Variants in PATE1 observed in about 807,000 individuals in gnomAD.
The protein encoded by PATE1 is prostate and testis expressed 1.
A neutral mutation model predicts 13.1 loss-of-function variants in PATE1; 21 were observed. That is an observed-to-expected ratio of 1.61 (90% CI 1.14 to 2.31). The LOEUF (loss-of-function observed/expected upper bound fraction) is 2.31. PATE1 is among the 30% of genes most tolerant of loss of function. The pLI, the probability that PATE1 is intolerant of heterozygous loss-of-function variation, is 0.00. For synonymous variants in PATE1, 52 were observed against 47.1 expected, an observed-to-expected ratio of 1.10 and a Z score of -0.43; for missense variants, 166 against 147.2, an observed-to-expected ratio of 1.13 and a Z score of -0.66.
chr11:125,746,340 G>A lies in PATE1; in HGVS notation c.36G>A (p.Leu12=). The A allele has an allele frequency of 1.9e-6, 3 of 1,613,870 alleles. No homozygotes were observed. Among genetic ancestry groups the A allele is most frequent in the Non-Finnish European group, 2.5e-6 (3 of 1,179,864 alleles). Residue 12 remains leucine (L), a synonymous_variant, in exon 1 of 5, where the codon CTG becomes CTA. Transcript: ENST00000305738. ...CCCTCTTGCTGGAACTCCCCATCCT[G>A]CTCTGCTGCTTTAGGGGTGAGTCCC... ...DKSLLLELPI[L]LCCFRALSGS...
At position 125,748,795 on chromosome 11, in the gene PATE1, A is replaced by C. The variant is rs1943303601; in HGVS notation, c.*62A>C. The C allele has an allele frequency of 6.4e-7, 1 of 1,569,920 alleles. No homozygotes were observed. The highest frequency in any genetic ancestry group is 1.4e-5 in the African/African-American group (1 of 69,594). On this transcript the variant is annotated 3_prime_UTR_variant, in exon 5 of 5. Transcript: ENST00000305738. ...GAGGTTGTTGCCTCAGCCTCTTCAC[A>C]ATGACTTTCTAAAAAAAATCACACA... is the stretch of plus-strand genomic sequence containing the variant.
At position 125,749,161 on chromosome 11, in the gene PATE1, A is replaced by G. The variant is rs1047974643; in HGVS notation, c.*428A>G. The G allele has an allele frequency of 6.5e-6, 1 of 152,718 alleles. No individual in the cohort carries two copies. The highest frequency in any genetic ancestry group is 2.4e-5 in the African/African-American group (1 of 41,314). 9.5% of individuals were successfully genotyped at this position (152,718 alleles called of 1,614,324 possible). On this transcript the variant is annotated 3_prime_UTR_variant, in exon 5 of 5. Coordinates refer to ENST00000305738, the MANE Select transcript of PATE1 (RefSeq NM_138294.3). ...CTTTCTGTGTTATCCTTCTTATCCCACTCCAAAGAAAGCACATAACTGTGG... is the reference window on the plus strand; with the variant it reads ...CTTTCTGTGTTATCCTTCTTATCCCGCTCCAAAGAAAGCACATAACTGTGG...
chr11:125,746,779 C>A (rs1373462321), intron 2 of PATE1, 83 bp downstream of exon 2: 20 of 1,363,332 alleles, frequency 1.5e-5, no homozygotes, highest in Admixed American at 1.3e-4. Flanking sequence ...CACCAGGGGC[C>A]AAAAAAAACC....
chr11:125,748,908 T>C lies in PATE1; in HGVS notation c.*175T>C. 1 of 674,526 alleles carries C rather than the reference T, an allele frequency of 1.5e-6. No individual in the cohort carries two copies. Among genetic ancestry groups the C allele is most frequent in the South Asian group, 2.6e-5 (1 of 38,412 alleles). 41.8% of individuals were successfully genotyped at this position (674,526 alleles called of 1,614,324 possible). On this transcript the variant is annotated 3_prime_UTR_variant, in exon 5 of 5. Transcript: ENST00000305738. ...GGAAAGTCCCTCTCCTTTTCTACAG[T>C]CTCTGTCACGCCCCTTAAAATAAGT...
Position 125,747,685 on chromosome 11 carries a change from C to T in PATE1, c.125-15C>T. ...CCATCTTTTCTCACTTCTCTTTCCCCTCTCTCTGGCCAAGTGATAGAAATT... is the reference window on the plus strand; with the variant it reads ...CCATCTTTTCTCACTTCTCTTTCCCTTCTCTCTGGCCAAGTGATAGAAATT... On this transcript the variant is annotated splice_polypyrimidine_tract_variant and intron_variant, in intron 3 of 4. Coordinates refer to ENST00000305738, the MANE Select transcript of PATE1 (RefSeq NM_138294.3). 1 of 1,612,410 alleles carries T rather than the reference C, an allele frequency of 6.2e-7. No homozygotes were observed. Among genetic ancestry groups the T allele is most frequent in the East Asian group, 2.2e-5 (1 of 44,872 alleles).
In PATE1 at chr11:125,746,546, T is replaced by A; in HGVS notation, c.53-115T>A. The stretch of plus-strand genomic sequence containing the variant: ...TTAACTAAAGCTCTTCTCCCTTCCT[T>A]TATGGGGGGAAATAGGTAGATTAGA... On this transcript the variant is annotated intron_variant, in intron 1 of 4. Transcript: ENST00000305738. The A allele has an allele frequency of 5.0e-6, 7 of 1,402,830 alleles. No homozygotes were observed. The South Asian group carries it at 7.1e-5, about 14-fold the overall frequency. The allele number at this position is 1,402,830 out of a possible 1,614,324, so 86.9% of individuals were successfully genotyped here. A position where few individuals can be genotyped will look rare whatever the true frequency, so the allele number is the denominator to read the frequency against.
Position 125,746,697 on chromosome 11 carries a change from G to C in PATE1, c.88+1G>C, listed in dbSNP as rs186985607. On this transcript the variant is annotated splice_donor_variant, in intron 2 of 4. Coordinates refer to ENST00000305738, the MANE Select transcript of PATE1 (RefSeq NM_138294.3). LOFTEE classifies it high-confidence loss of function. ...TCACTTTCAATGAGAAATGATGCAG[G>C]TGAGTAGGAATAGATAAGTGGTATG... 2 of 1,613,510 alleles carry C rather than the reference G, an allele frequency of 1.2e-6. No homozygotes were observed. The highest frequency in any genetic ancestry group is 1.7e-6 in the Non-Finnish European group (2 of 1,179,602).
At chr11:125,747,880 A>T in intron 4 of PATE1, 58 bp downstream of exon 4, 1 of 1,606,222 alleles carries the variant, frequency 6.2e-7, no homozygotes, top group Non-Finnish European at 8.5e-7. Context: ...GGGACGTATC[A>T]GCCACAGGGG....
chr11:125,746,787 A>C (rs907695052), intron 2 of PATE1, 91 bp downstream of exon 2: 32 of 1,352,860 alleles, frequency 2.4e-5, no homozygotes, highest in African/African-American at 1.0e-4. Context: ...GCCAAAAAAA[A>C]CCAAAATACG....
chr11:125,746,604 A>T, intron 1 of PATE1, 57 bp from the exon 2 acceptor site: 1 of 1,590,256 alleles, frequency 6.3e-7, no homozygotes, highest in Admixed American at 1.7e-5. Flanking sequence ...AGAAGCTTTG[A>T]GATGGGGTTT....
chr11:125,747,517 T>C, intron 3 of PATE1, 106 bp downstream of exon 3: 2 of 1,436,508 alleles, frequency 1.4e-6, no homozygotes, highest in Non-Finnish European at 1.9e-6. Flanking sequence ...CTAAAATTCC[T>C]GAGACCATAA....
rs1420835299 is a variant in PATE1, at chr11:125,747,816, T to C, written c.241T>C (p.Phe81Leu). ...TEEACMVGRMFKRDGNPWLTF... is the reference protein window; with the variant it reads ...TEEACMVGRMLKRDGNPWLTF... Reference sequence around the variant, plus strand: ...AGAGGCCTGCATGGTTGGAAGGATGTTCAAAAGTAAGTTGTGGGTTGGGGA... The same window carrying C: ...AGAGGCCTGCATGGTTGGAAGGATGCTCAAAAGTAAGTTGTGGGTTGGGGA... The change falls in exon 4 of 5, where the codon TTC becomes CTC. Residue 81 changes from phenylalanine (F) to leucine (L), a missense_variant. Phe to Leu is a conservative substitution (Grantham distance 22, BLOSUM62 0). Coordinates refer to ENST00000305738, the MANE Select transcript of PATE1 (RefSeq NM_138294.3). 1.9e-6 allele frequency: 3 copies of C among 1,613,700 alleles called. No homozygotes were observed. The highest frequency in any genetic ancestry group is 2.2e-5 in the South Asian group (2 of 91,066).
chr11:125,748,180 C>T (rs1381194052), intron 4 of PATE1: 8 of 316,676 alleles, frequency 2.5e-5, no homozygotes, highest in Non-Finnish European at 4.1e-5. Flanking sequence ...ACGGATGGTT[C>T]TAAACTGTGG....
At chr11:125,747,967 T>G in intron 4 of PATE1, 145 bp downstream of exon 4, 1 of 1,253,844 alleles carries the variant, frequency 8.0e-7, no homozygotes. Flanking sequence ...CCCCATCATA[T>G]GCCGTAATGA....
intron 1 of PATE1, 25 bp downstream of exon 1, chr11:125,746,381 G>A (rs564900212): frequency 1.9e-6 from 3 of 1,611,232 alleles, no homozygotes; most frequent in Non-Finnish European, 2.5e-6. Flanking sequence ...TTGACAGCTG[G>A]TAAGAGTCCT....
Position 125,748,885 on chromosome 11 carries a change from A to G in PATE1, c.*152A>G, listed in dbSNP as rs1265221168. 5.4e-6 allele frequency: 5 copies of G among 921,816 alleles called. No individual in the cohort carries two copies. Among genetic ancestry groups the G allele is most frequent in the East Asian group, 2.6e-5 (1 of 38,638 alleles). 57.1% of individuals were successfully genotyped at this position (921,816 alleles called of 1,614,324 possible). Reference sequence around the variant, plus strand: ...GGCTCCATCTTCTGCACACGAAAGGAAAGTCCCTCTCCTTTTCTACAGTCT... The same window carrying G: ...GGCTCCATCTTCTGCACACGAAAGGGAAGTCCCTCTCCTTTTCTACAGTCT... On this transcript the variant is annotated 3_prime_UTR_variant, in exon 5 of 5. Coordinates refer to ENST00000305738, the MANE Select transcript of PATE1 (RefSeq NM_138294.3).
intron 1 of PATE1, 55 bp downstream of exon 1, chr11:125,746,411 A>T: frequency 6.3e-7 from 1 of 1,577,568 alleles, no homozygotes; most frequent in Non-Finnish European, 8.7e-7. Context: ...AACAGGTGAG[A>T]GCACCCATGA....
intron 3 of PATE1, 66 bp from the exon 4 acceptor site, chr11:125,747,634 G>C: frequency 6.3e-7 from 1 of 1,598,586 alleles, no homozygotes; most frequent in East Asian, 2.2e-5. Context: ...AACCCAAAAG[G>C]GGAGAGGGGT....
At chr11:125,748,546 T>A in intron 4 of PATE1, 54 bp from the exon 5 acceptor site, 2 of 1,588,370 alleles carry the variant, frequency 1.3e-6, no homozygotes, top group Non-Finnish European at 1.7e-6. Flanking sequence ...GAAAAGTTTT[T>A]TAGCAGAACT....
Sources: allele counts gnomAD v4.1 joint callset, GRCh38; gene constraint gnomAD v4.1.1; transcripts MANE v1.5; gene names NCBI Gene and HGNC (gene_info 2026-07-23, HGNC 2026-07-21).